The following ANKS1B variants were observed in gnomAD, a reference collection of about 807,000 sequenced individuals.
ANKS1B encodes the protein ankyrin repeat and sterile alpha motif domain containing 1B, also known as ankyrin repeat and sterile alpha motif domain-containing protein 1B.
ANKS1B carries 36 observed loss-of-function variants against 148.3 expected under a neutral mutation model. The ratio of observed to expected loss-of-function variants is 0.24; its 90% CI spans 0.19 to 0.32. ANKS1B has a LOEUF of 0.32. Among genes scored for constraint, ANKS1B ranks in the 10% least tolerant of loss-of-function variants. The pLI is 1.00. For synonymous variants in ANKS1B, 542 were observed against 560.8 expected, an observed-to-expected ratio of 0.97 and a Z score of 0.47; for missense variants, 1,157 against 1,542.6, an observed-to-expected ratio of 0.75 and a Z score of 4.19.
At chr12:99,031,885 G>T (rs2099952434) in intron 17 of ANKS1B, among the ~76,000 whole-genome samples, 1 of 152,196 alleles carries the variant, frequency 6.6e-6, no homozygotes, top group African/African-American at 2.4e-5. Flanking sequence ...ATTCCTAACT[G>T]ATTCAAACCC....
intron 12 of ANKS1B, among the ~76,000 whole-genome samples, chr12:99,360,609 A>T (rs1317120660): frequency 6.6e-6 from 1 of 152,066 alleles, no homozygotes; most frequent in Non-Finnish European, 1.5e-5. Context: ...GAAGTGCTAC[A>T]TGCTTCTCAT....
intron 9 of ANKS1B, among the ~76,000 whole-genome samples, chr12:99,644,219 G>A (rs910088736): frequency 6.6e-6 from 1 of 152,016 alleles, no homozygotes. Flanking sequence ...TATATAGCAA[G>A]TATCTCCTTT....
intron 8 of ANKS1B, among the ~76,000 whole-genome samples, chr12:99,666,040 G>A (rs867069521): frequency 6.6e-6 from 1 of 152,120 alleles, no homozygotes; most frequent in South Asian, 2.1e-4. Flanking sequence ...TAATATATAA[G>A]TAGAAGTAGT....
intron 14 of ANKS1B, among the ~76,000 whole-genome samples, chr12:99,194,372 G>A (rs2081135193): frequency 6.6e-6 from 1 of 151,850 alleles, no homozygotes; most frequent in Non-Finnish European, 1.5e-5. Context: ...AGATGTGCTG[G>A]TGCTTTCCTT....
Position 99,607,387 on chromosome 12 carries a change from T to C in ANKS1B, c.1272+47680A>G, listed in dbSNP as rs181115943. Among the ~76,000 whole-genome samples the C allele has an allele frequency of 2.2e-3, 328 of 151,756 alleles. 3 individuals carry two copies. Among genetic ancestry groups the C allele is most frequent in the Non-Finnish European group, 3.1e-3 (210 of 67,892 alleles). The stretch of plus-strand genomic sequence containing the variant: ...AAATGTAGTTTTTCCTTTTTTTTTT[T>C]CCCCCATGACTCATATACATTTTAG... On this transcript the variant is annotated intron_variant, in intron 9 of 26. Coordinates refer to ENST00000683438, the MANE Select transcript of ANKS1B (RefSeq NM_001352186.2).
chr12:99,409,357 T>C (rs182085970), intron 11 of ANKS1B, among the ~76,000 whole-genome samples: 7 of 152,094 alleles, frequency 4.6e-5, no homozygotes, highest in Admixed American at 6.6e-5. Flanking sequence ...ATGCTAAAAA[T>C]GGTAATTTGG....
intron 10 of ANKS1B, among the ~76,000 whole-genome samples, chr12:99,450,644 C>T (rs2095716572): frequency 6.6e-6 from 1 of 152,300 alleles, no homozygotes; most frequent in Middle Eastern, 3.4e-3. Context: ...TACCATTACA[C>T]TGATAATTTG....
intron 1 of ANKS1B, among the ~76,000 whole-genome samples, chr12:99,835,281 A>C (rs2084670536): frequency 6.6e-6 from 1 of 151,246 alleles, no homozygotes; most frequent in African/African-American, 2.4e-5. Flanking sequence ...AAAAAGAAAA[A>C]TTAGCCAGGC....
intron 10 of ANKS1B, among the ~76,000 whole-genome samples, chr12:99,466,615 C>T (rs984106120): frequency 8.0e-5 from 12 of 149,996 alleles, no homozygotes; most frequent in African/African-American, 1.8e-4. Flanking sequence ...ATATCACCAC[C>T]GATCCCACAG....
chr12:99,561,172 T>C (rs1009258855), intron 9 of ANKS1B, among the ~76,000 whole-genome samples: 1 of 152,166 alleles, frequency 6.6e-6, no homozygotes, highest in Non-Finnish European at 1.5e-5. Context: ...AAGACAACAA[T>C]GAACTTTGCC....
At chr12:99,211,290 G>A (rs1420155311) in intron 14 of ANKS1B, among the ~76,000 whole-genome samples, 4 of 152,324 alleles carry the variant, frequency 2.6e-5, no homozygotes, top group African/African-American at 4.8e-5. Flanking sequence ...TCACCAAGCC[G>A]AAAGTAAGTT....
chr12:99,181,694 T>C (rs1381995096), intron 14 of ANKS1B, among the ~76,000 whole-genome samples: 1 of 152,100 alleles, frequency 6.6e-6, no homozygotes, highest in African/African-American at 2.4e-5. Flanking sequence ...TATATACTTA[T>C]GGGGTATATG....
intron 25 of ANKS1B, among the ~76,000 whole-genome samples, chr12:98,752,226 A>C (rs2098112507): frequency 6.6e-6 from 1 of 151,686 alleles, no homozygotes; most frequent in Non-Finnish European, 1.5e-5. Flanking sequence ...ACATGGTCTC[A>C]GGACCTCCCA....
intron 1 of ANKS1B, among the ~76,000 whole-genome samples, chr12:99,979,761 G>A: frequency 6.6e-6 from 1 of 152,042 alleles, no homozygotes; most frequent in East Asian, 1.9e-4. Flanking sequence ...AAAGGCAGTA[G>A]ATAAAATACC....
intron 8 of ANKS1B, among the ~76,000 whole-genome samples, chr12:99,715,817 T>C (rs1453838899): frequency 1.3e-5 from 2 of 152,180 alleles, no homozygotes; most frequent in African/African-American, 2.4e-5. Context: ...TTTTCAATCT[T>C]GGCACCACCC....
intron 12 of ANKS1B, among the ~76,000 whole-genome samples, chr12:99,376,668 C>T (rs2093403145): frequency 1.3e-5 from 2 of 152,302 alleles, no homozygotes; most frequent in East Asian, 1.9e-4. Context: ...GCTACTCTCC[C>T]ATATGAGCCT....
chr12:99,674,607 T>TA (rs1030296075), intron 8 of ANKS1B, among the ~76,000 whole-genome samples: 8 of 151,702 alleles, frequency 5.3e-5, no homozygotes, highest in African/African-American at 1.9e-4. Context: ...CCAAAGTTTA[T>TA]AAAAAATAAG....
chr12:99,089,344 T>C (rs114440593), intron 15 of ANKS1B, among the ~76,000 whole-genome samples: 42 of 152,206 alleles, frequency 2.8e-4, no homozygotes, highest in African/African-American at 7.9e-4. Context: ...GAATAAGCTG[T>C]TCCCCCCCAT....
chr12:99,298,658 A>G (rs866622491), intron 12 of ANKS1B, among the ~76,000 whole-genome samples: 30 of 152,218 alleles, frequency 2.0e-4, no homozygotes, highest in Middle Eastern at 6.8e-3. Context: ...TCTTCATTTT[A>G]TCAATAAAGC....
Sources: gnomAD v4.1 joint callset for allele counts (sites outside exome capture counted in the v4.1 genomes callset) on GRCh38, gnomAD v4.1.1 for gene constraint, MANE v1.5 for transcripts, NCBI Gene and HGNC (gene_info 2026-07-23, HGNC 2026-07-21) for gene names.